The following SLC30A7 variants were observed in gnomAD, a reference collection of about 807,000 sequenced individuals.
SLC30A7 encodes solute carrier family 30 member 7, also known as zinc transporter 7.
SLC30A7 carries 35 observed loss-of-function variants against 46.0 expected under a neutral mutation model. That is an observed-to-expected ratio of 0.76 (90% confidence interval 0.58 to 1.01). The LOEUF (loss-of-function observed/expected upper bound fraction) is 1.01, where lower values mean the gene tolerates loss of function less well. SLC30A7 is among the 50% of genes least tolerant of loss of function. The probability of loss-of-function intolerance (pLI) is 0.00; values close to 1 mark genes in which losing one functional copy is unlikely to be tolerated. For missense variants in SLC30A7, 464 were observed against 451.1 expected (o/e 1.03, Z -0.26); for synonymous variants, 147 against 157.8 (o/e 0.93, Z 0.51).
At chr1:100,986,722 CTG>C (rs1277801353), downstream of SLC30A7, among the ~76,000 whole-genome samples, 5 of 152,138 alleles carry the variant, frequency 3.3e-5, no homozygotes, top group East Asian at 7.7e-4. Context: ...AATGGATAAA[CTG>C]TAGTCTATCC....
rs548593144 is a variant in SLC30A7 at position 100,956,154 on chromosome 1, A to G, written c.843-5674A>G. 6.1e-4 allele frequency among the ~76,000 whole-genome samples: 93 copies of G among 152,254 alleles called. 1 individual carries two copies. The highest frequency in any genetic ancestry group is 2.0e-3 in the African/African-American group (83 of 41,584). The stretch of plus-strand genomic sequence containing the variant: ...TTCCTTATATCAGTGATGATGTCTT[A>G]TAATTTAGTTAATTTTAAAATATAT... On this transcript the variant is annotated intron_variant, in intron 8 of 10. Coordinates refer to ENST00000357650, the MANE Select transcript of SLC30A7 (RefSeq NM_133496.5).
intron 8 of SLC30A7, among the ~76,000 whole-genome samples, chr1:100,951,397 G>C (rs1486323550): frequency 2.0e-5 from 3 of 152,154 alleles, no homozygotes; most frequent in Non-Finnish European, 2.9e-5. Context: ...TAGAATCTTA[G>C]TTAATCCATT....
intron 8 of SLC30A7, among the ~76,000 whole-genome samples, chr1:100,927,773 A>G (rs977425889): frequency 2.6e-5 from 4 of 152,176 alleles, no homozygotes; most frequent in African/African-American, 9.7e-5. Flanking sequence ...AAATTAAGAT[A>G]TAAAGGTAAT....
chr1:100,957,203 C>CTCGAGGTCTAAGG (rs1655272901), intron 8 of SLC30A7, among the ~76,000 whole-genome samples: 1 of 152,196 alleles, frequency 6.6e-6, no homozygotes, highest in Non-Finnish European at 1.5e-5. Flanking sequence ...ATTGCCACAA[C>CTCGAGGTCTAAGG]TCGAGAGTAA....
chr1:100,974,761 T>C, intron 10 of SLC30A7, 49 bp from the exon 11 acceptor site: 1 of 1,383,976 alleles, frequency 7.2e-7, no homozygotes, highest in Non-Finnish European at 1.0e-6. Context: ...ATGTGTAGGG[T>C]GTTATTAGCT....
At chr1:100,987,230 T>C in the SLC30A7 span, among the ~76,000 whole-genome samples, 1 of 152,314 alleles carries the variant, frequency 6.6e-6, no homozygotes, top group Non-Finnish European at 1.5e-5. Flanking sequence ...TTATTCCACT[T>C]GGGGTTCACT....
chr1:100,988,819 T>C, the SLC30A7 span, among the ~76,000 whole-genome samples: 3 of 151,958 alleles, frequency 2.0e-5, no homozygotes, highest in Non-Finnish European at 4.4e-5. Flanking sequence ...CACTACACTC[T>C]AGCCTGGGCT....
In SLC30A7 at chr1:100,980,666, T is replaced by C. The variant is rs1243509200; in HGVS notation, c.*5809T>C. ...AATGACTATATATTCACCTTGGCCA[T>C]TTTTTTTTTTAAGTAGCCCTATGAG... On this transcript the variant is annotated 3_prime_UTR_variant, in exon 11 of 11. Coordinates refer to ENST00000357650, the MANE Select transcript of SLC30A7 (RefSeq NM_133496.5). 1 of 147,420 alleles carries C rather than the reference T, an allele frequency of 6.8e-6. No individual in the cohort carries two copies. The highest frequency in any genetic ancestry group is 1.5e-5 in the Non-Finnish European group (1 of 66,360). 9.1% of individuals were successfully genotyped at this position (147,420 alleles called of 1,614,324 possible).
At chr1:100,921,880 TGA>T in intron 8 of SLC30A7, 39 bp downstream of exon 8, 1 of 1,544,324 alleles carries the variant, frequency 6.5e-7, no homozygotes, top group Non-Finnish European at 8.9e-7. Context: ...AAAGTGAGAC[TGA>T]GAGAGAAATA....
At chr1:100,983,375 C>CAAAAAAAAAA (rs779529890), downstream of SLC30A7, among the ~76,000 whole-genome samples, 48 of 76,172 alleles carry the variant, frequency 6.3e-4, no homozygotes, top group East Asian at 1.2e-3. Context: ...TACTTTGAGG[C>CAAAAAAAAAA]AAAAAAAAAA....
intron 8 of SLC30A7, among the ~76,000 whole-genome samples, chr1:100,925,248 G>A (rs180988857): frequency 1.3e-3 from 205 of 152,382 alleles, no homozygotes; most frequent in African/African-American, 4.6e-3. Flanking sequence ...AAGGAGGCCA[G>A]CATGGCTGAA....
chr1:100,964,264 A>AGG (rs1558007139), intron 9 of SLC30A7, among the ~76,000 whole-genome samples: 1,597 of 148,220 alleles, frequency 0.011, 36 homozygotes, highest in African/African-American at 0.038. Context: ...TACACAATAT[A>AGG]TGTTATATAA....
At chr1:100,961,982 T>C in intron 9 of SLC30A7, 64 bp downstream of exon 9, 1 of 978,382 alleles carries the variant, frequency 1.0e-6, no homozygotes, top group Non-Finnish European at 1.6e-6. Flanking sequence ...ATTTTCAGCT[T>C]TCACAAATAT....
Position 100,921,572 on chromosome 1 carries a change from A to G in SLC30A7, c.707-134A>G, listed in dbSNP as rs1257813333. The G allele has an allele frequency of 4.9e-6, 3 of 613,746 alleles. No individual in the cohort carries two copies. In the African/African-American group the frequency reaches 5.6e-5, roughly 11 times the overall value. 38.0% of individuals were successfully genotyped at this position (613,746 alleles called of 1,614,324 possible). On this transcript the variant is annotated intron_variant, in intron 7 of 10. Coordinates refer to ENST00000357650, the MANE Select transcript of SLC30A7 (RefSeq NM_133496.5). ...CTATTACATGGTTACTAAATGGTGA[A>G]TATACATGCTTACTTATTTTTGAAG...
chr1:100,972,863 G>T lies in SLC30A7; in HGVS notation c.1084-1947G>T, dbSNP rs143937103. 1.1e-3 allele frequency among the ~76,000 whole-genome samples: 166 copies of T among 152,140 alleles called. 1 individual carries two copies. Among genetic ancestry groups the T allele is most frequent in the Non-Finnish European group, 1.7e-3 (116 of 67,940 alleles). ...TATTGGATGAATATGTAACAATTGT[G>T]TGAGATTAGTAGGGCTGGTGTTTAT... On this transcript the variant is annotated intron_variant, in intron 10 of 10. Transcript: ENST00000357650.
intron 8 of SLC30A7, among the ~76,000 whole-genome samples, chr1:100,947,451 C>G (rs1654703830): frequency 6.6e-6 from 1 of 152,158 alleles, no homozygotes; most frequent in Non-Finnish European, 1.5e-5. Context: ...TTTACATTTG[C>G]TGAGGAGTGC....
intron 2 of SLC30A7, among the ~76,000 whole-genome samples, chr1:100,906,029 C>T (rs1411532310): frequency 3.3e-5 from 5 of 152,056 alleles, no homozygotes; most frequent in Non-Finnish European, 5.9e-5. Flanking sequence ...TCTGTTTGGC[C>T]GTTAGTATGG....
intron 8 of SLC30A7, among the ~76,000 whole-genome samples, chr1:100,923,670 T>G (rs1350426543): frequency 6.6e-6 from 1 of 152,162 alleles, no homozygotes; most frequent in African/African-American, 2.4e-5. Context: ...TTGCAGCTAC[T>G]TGGGATGCTG....
intron 8 of SLC30A7, among the ~76,000 whole-genome samples, chr1:100,950,092 C>T (rs953406125): frequency 3.9e-5 from 6 of 152,190 alleles, no homozygotes; most frequent in Non-Finnish European, 8.8e-5. Flanking sequence ...CCGTCTTCTG[C>T]GTCGATCACG....
Sources: allele counts gnomAD v4.1 joint callset (sites outside exome capture counted in the v4.1 genomes callset), GRCh38; gene constraint gnomAD v4.1.1; transcripts MANE v1.5; gene names NCBI Gene and HGNC (gene_info 2026-07-23, HGNC 2026-07-21).